The following TTLL5 variants were observed in gnomAD, a reference collection of about 807,000 sequenced individuals.
TTLL5 encodes tubulin polyglutamylase TTLL5.
Under a neutral mutation model 168.4 loss-of-function variants are expected in TTLL5, and 132 were observed. The ratio of observed to expected loss-of-function variants is 0.78; its 90% CI spans 0.68 to 0.91. The LOEUF is 0.91. Ranked by LOEUF, TTLL5 falls within the 40% of genes least tolerant of loss-of-function variation. The probability of loss-of-function intolerance (pLI) is 0.00; values close to 1 mark genes in which losing one functional copy is unlikely to be tolerated. For synonymous variants in TTLL5, 546 were observed against 558.6 expected, an observed-to-expected ratio of 0.98 and a Z score of 0.32; for missense variants, 1,545 against 1,581.5, an observed-to-expected ratio of 0.98 and a Z score of 0.39.
At chr14:75,897,007 T>C (rs1159604976) in intron 30 of TTLL5, among the ~76,000 whole-genome samples, 1 of 152,204 alleles carries the variant, frequency 6.6e-6, no homozygotes, top group Non-Finnish European at 1.5e-5. Context: ...AAAAAATTTT[T>C]CAAAATAATT....
At chr14:75,827,251 A>G (rs1159555545) in intron 28 of TTLL5, among the ~76,000 whole-genome samples, 3 of 152,196 alleles carry the variant, frequency 2.0e-5, no homozygotes, top group Non-Finnish European at 4.4e-5. Flanking sequence ...TTTAGAGTCA[A>G]CTGGCCGTAA....
intron 26 of TTLL5, among the ~76,000 whole-genome samples, chr14:75,786,808 A>G (rs1412602909): frequency 6.6e-6 from 1 of 152,228 alleles, no homozygotes; most frequent in East Asian, 1.9e-4. Flanking sequence ...AGCAAGAAGC[A>G]TAGAAAAAGC....
At chr14:75,875,636 A>T (rs570139726) in intron 29 of TTLL5, among the ~76,000 whole-genome samples, 1 of 152,296 alleles carries the variant, frequency 6.6e-6, no homozygotes, top group South Asian at 2.1e-4. Context: ...TATAGCATTG[A>T]TGATTGGTGA....
At chr14:75,816,604 A>G (rs1227084992) in intron 27 of TTLL5, among the ~76,000 whole-genome samples, 1 of 152,232 alleles carries the variant, frequency 6.6e-6, no homozygotes, top group Non-Finnish European at 1.5e-5. Flanking sequence ...TAAACATGGT[A>G]AAGTGTGCAC....
At chr14:75,691,762 A>G (rs944943735) in intron 6 of TTLL5, among the ~76,000 whole-genome samples, 4 of 152,198 alleles carry the variant, frequency 2.6e-5, no homozygotes, top group African/African-American at 9.6e-5. Context: ...TGTTTTATGG[A>G]TAGACGAAGT....
intron 31 of TTLL5, among the ~76,000 whole-genome samples, chr14:75,929,944 A>G (rs1484741796): frequency 6.6e-6 from 1 of 152,158 alleles, no homozygotes; most frequent in Non-Finnish European, 1.5e-5. Flanking sequence ...TTCAAATCTC[A>G]TTATTTGGAA....
chr14:75,887,297 A>C (rs893882458), intron 30 of TTLL5: 5 of 985,760 alleles, frequency 5.1e-6, no homozygotes, highest in Non-Finnish European at 6.0e-6. Context: ...ACACCGGCTT[A>C]AAAAATGTTA....
At chr14:75,871,514 T>C (rs970319136) in intron 29 of TTLL5, among the ~76,000 whole-genome samples, 2 of 152,116 alleles carry the variant, frequency 1.3e-5, no homozygotes, top group East Asian at 3.9e-4. Flanking sequence ...GATAAGGCAT[T>C]CCAGCATTAT....
At chr14:75,809,723 C>T (rs972539317) in intron 27 of TTLL5, among the ~76,000 whole-genome samples, 1 of 152,110 alleles carries the variant, frequency 6.6e-6, no homozygotes, top group African/African-American at 2.4e-5. Context: ...TCTCCTTCCC[C>T]TTTTTCCCTT....
chr14:75,796,644 C>T (rs1893010851), intron 27 of TTLL5, among the ~76,000 whole-genome samples: 2 of 152,146 alleles, frequency 1.3e-5, no homozygotes, highest in Non-Finnish European at 2.9e-5. Context: ...CTACATGTGG[C>T]TTGCCAGTTA....
intron 18 of TTLL5, among the ~76,000 whole-genome samples, chr14:75,756,910 G>A (rs1890297677): frequency 6.6e-6 from 1 of 152,122 alleles, no homozygotes; most frequent in Non-Finnish European, 1.5e-5. Flanking sequence ...TCTGTGGTTA[G>A]AGCCCAGTCT....
At chr14:75,719,873 C>CTT (rs1887732565) in intron 11 of TTLL5, 47 bp downstream of exon 11, 1 of 1,553,582 alleles carries the variant, frequency 6.4e-7, no homozygotes, top group African/African-American at 1.4e-5. Flanking sequence ...CTTTGGATAA[C>CTT]TTTATCATTG....
intron 31 of TTLL5, among the ~76,000 whole-genome samples, chr14:75,925,663 G>A (rs1339978130): frequency 1.3e-5 from 2 of 152,074 alleles, no homozygotes; most frequent in Non-Finnish European, 2.9e-5. Context: ...GCCCGGCAGA[G>A]GCTGCAATCT....
intron 30 of TTLL5, among the ~76,000 whole-genome samples, chr14:75,895,779 T>C (rs575476107): frequency 6.6e-6 from 1 of 151,990 alleles, no homozygotes; most frequent in South Asian, 2.1e-4. Flanking sequence ...GACAACAGAG[T>C]AAACTAATTA....
In TTLL5 at chr14:75,667,967, G is replaced by A. The variant is rs923909964; in HGVS notation, c.75-1449G>A. On this transcript the variant is annotated intron_variant, in intron 2 of 31. Coordinates refer to ENST00000298832, the MANE Select transcript of TTLL5 (RefSeq NM_015072.5). ...GTAGAGACGGGGTTTCACCATGTTG[G>A]CCAGGATGGTCTCGATCTCTTGACC... Among the ~76,000 whole-genome samples, 11 of 152,020 alleles carry A rather than the reference G, an allele frequency of 7.2e-5. No individual in the cohort carries two copies. In the East Asian group the frequency reaches 2.1e-3, roughly 29 times the overall value.
At chr14:75,889,636 G>A (rs1022260797) in intron 30 of TTLL5, among the ~76,000 whole-genome samples, 3 of 151,754 alleles carry the variant, frequency 2.0e-5, no homozygotes, top group Admixed American at 6.6e-5. Context: ...TAGACCAACC[G>A]GGCCAACATG....
chr14:75,872,415 T>C (rs947810309), intron 29 of TTLL5, among the ~76,000 whole-genome samples: 1 of 152,222 alleles, frequency 6.6e-6, no homozygotes, highest in Non-Finnish European at 1.5e-5. Flanking sequence ...CATAGTATAG[T>C]GAGGTTCTTA....
In TTLL5 at chr14:75,779,563, T is replaced by C. The variant is rs72725608; in HGVS notation, c.2388-12T>C. On this transcript the variant is annotated splice_polypyrimidine_tract_variant and intron_variant, in intron 23 of 31. Transcript: ENST00000298832. Reference sequence around the variant, plus strand: ...GCTTCCTGTCTGACCATACTTTTTCTCCTCATTTCAGTGAGGCTGAACTGG... The same window carrying C: ...GCTTCCTGTCTGACCATACTTTTTCCCCTCATTTCAGTGAGGCTGAACTGG... 58,943 of 1,610,842 alleles carry C rather than the reference T, an allele frequency of 0.037. 1,270 individuals are homozygous for C. Among genetic ancestry groups the C allele is most frequent in the Admixed American group, 0.057 (3,381 of 59,262 alleles).
At chr14:75,952,862 G>T (rs1217816535) in intron 31 of TTLL5, among the ~76,000 whole-genome samples, 2 of 152,222 alleles carry the variant, frequency 1.3e-5, no homozygotes, top group African/African-American at 4.8e-5. Context: ...GCTGAGGGAT[G>T]AGAGATGTAG....
Sources: gnomAD v4.1 joint callset for allele counts (sites outside exome capture counted in the v4.1 genomes callset) on GRCh38, gnomAD v4.1.1 for gene constraint, MANE v1.5 for transcripts, NCBI Gene and HGNC (gene_info 2026-07-23, HGNC 2026-07-21) for gene names.